THSD7B: variants seen among roughly 807,000 people sequenced by gnomAD.
The protein encoded by THSD7B is thrombospondin type 1 domain containing 7B, also known as thrombospondin type-1 domain-containing protein 7B.
A neutral mutation model predicts 213.6 loss-of-function variants in THSD7B; 138 were observed. The ratio of observed to expected loss-of-function variants is 0.65; its 90% CI spans 0.56 to 0.74. THSD7B has a LOEUF of 0.74. Among genes scored for constraint, THSD7B ranks in the 30% least tolerant of loss-of-function variants. THSD7B has a pLI of 0.00. For missense variants in THSD7B, 1,931 were observed against 1,991.5 expected, an observed-to-expected ratio of 0.97 and a Z score of 0.58; for synonymous variants, 742 against 687.0, an observed-to-expected ratio of 1.08 and a Z score of -1.25.
rs373924640 is a variant in THSD7B, at chr2:137,156,706, T to C, written c.1370-3507T>C. On this transcript the variant is annotated intron_variant, in intron 5 of 27. Transcript: ENST00000409968. The stretch of plus-strand genomic sequence containing the variant: ...CCTTGACAAACGCAGCTTCAGAACG[T>C]ATTTCCCAGGCTTTTTACAGCTGCA... Among the ~76,000 whole-genome samples, 194 of 152,328 alleles carry C rather than the reference T, an allele frequency of 1.3e-3. 8 individuals carry two copies. In the South Asian group the frequency reaches 0.04, roughly 31 times the overall value.
At chr2:137,135,412 A>C (rs1028615891) in intron 5 of THSD7B, among the ~76,000 whole-genome samples, 18 of 152,154 alleles carry the variant, frequency 1.2e-4, no homozygotes, top group African/African-American at 4.1e-4. Flanking sequence ...ACATGTACTC[A>C]TTGGAGAGCT....
At chr2:137,209,662 A>G (rs796411763) in intron 7 of THSD7B, among the ~76,000 whole-genome samples, 3 of 152,248 alleles carry the variant, frequency 2.0e-5, no homozygotes, top group African/African-American at 4.8e-5. Flanking sequence ...AATAGTCACT[A>G]TAACAATTTA....
chr2:137,136,398 C>T (rs1159130368), intron 5 of THSD7B, among the ~76,000 whole-genome samples: 1 of 152,090 alleles, frequency 6.6e-6, no homozygotes, highest in Non-Finnish European at 1.5e-5. Flanking sequence ...GAAGGTGTTC[C>T]AGAGAACAAC....
intron 1 of THSD7B, among the ~76,000 whole-genome samples, chr2:136,807,126 G>C (rs1682296382): frequency 6.6e-6 from 1 of 152,124 alleles, no homozygotes; most frequent in South Asian, 2.1e-4. Context: ...TCATTGCACA[G>C]TTACTTTTTT....
chr2:137,400,361 C>T (rs1041321501), intron 12 of THSD7B, among the ~76,000 whole-genome samples: 4 of 151,860 alleles, frequency 2.6e-5, no homozygotes, highest in Non-Finnish European at 5.9e-5. Flanking sequence ...GCAACAGTAG[C>T]TTCTTATTTG....
chr2:136,826,593 G>A (rs1205271631), intron 1 of THSD7B, among the ~76,000 whole-genome samples: 2 of 152,180 alleles, frequency 1.3e-5, no homozygotes, highest in Admixed American at 6.5e-5. Flanking sequence ...TCCTCTGGAA[G>A]GCATGGGGAG....
chr2:137,239,264 A>G, intron 9 of THSD7B, among the ~76,000 whole-genome samples: 1 of 152,206 alleles, frequency 6.6e-6, no homozygotes. Context: ...TACCAAAGCC[A>G]GAAAATGTAT....
At chr2:137,182,746 C>T (rs1445036485) in intron 7 of THSD7B, among the ~76,000 whole-genome samples, 1 of 152,124 alleles carries the variant, frequency 6.6e-6, no homozygotes, top group Non-Finnish European at 1.5e-5. Flanking sequence ...TTACGTCCTT[C>T]CTTTCTTTCA....
intron 27 of THSD7B, among the ~76,000 whole-genome samples, chr2:137,669,255 G>A (rs1325177043): frequency 6.6e-6 from 1 of 152,100 alleles, no homozygotes; most frequent in Non-Finnish European, 1.5e-5. Flanking sequence ...AGGCTACACA[G>A]GTTTTTAAAT....
At chr2:136,931,403 T>A (rs1558857013) in intron 2 of THSD7B, among the ~76,000 whole-genome samples, 1 of 152,212 alleles carries the variant, frequency 6.6e-6, no homozygotes, top group Non-Finnish European at 1.5e-5. Context: ...AAGTTTAAGT[T>A]TGTTTGGTTC....
chr2:137,323,453 A>G (rs905407565), intron 12 of THSD7B, among the ~76,000 whole-genome samples: 1 of 152,178 alleles, frequency 6.6e-6, no homozygotes, highest in African/African-American at 2.4e-5. Flanking sequence ...TCCTTCTACT[A>G]TTCATTGAGA....
intron 15 of THSD7B, among the ~76,000 whole-genome samples, chr2:137,505,499 A>G (rs1205978286): frequency 6.6e-6 from 1 of 152,208 alleles, no homozygotes; most frequent in Non-Finnish European, 1.5e-5. Flanking sequence ...CCAGTTCCGC[A>G]GAGCTTTTGT....
At chr2:137,516,080 C>T (rs1680062124) in intron 15 of THSD7B, among the ~76,000 whole-genome samples, 1 of 152,210 alleles carries the variant, frequency 6.6e-6, no homozygotes, top group South Asian at 2.1e-4. Context: ...CAAGTGGCAG[C>T]ACTCAACCAA....
At chr2:137,205,377 C>A (rs888365270) in intron 7 of THSD7B, among the ~76,000 whole-genome samples, 1 of 151,972 alleles carries the variant, frequency 6.6e-6, no homozygotes, top group Non-Finnish European at 1.5e-5. Flanking sequence ...TTCTTCCAGT[C>A]AACATAATTA....
chr2:137,158,300 G>A (rs138335909), intron 5 of THSD7B, among the ~76,000 whole-genome samples: 8 of 152,176 alleles, frequency 5.3e-5, no homozygotes, highest in South Asian at 4.2e-4. Flanking sequence ...CCCCAGTTCC[G>A]GTCACTCCAG....
At chr2:137,105,414 T>G (rs958138121) in intron 4 of THSD7B, among the ~76,000 whole-genome samples, 3 of 152,052 alleles carry the variant, frequency 2.0e-5, no homozygotes, top group Admixed American at 6.6e-5. Flanking sequence ...CTCAAAATAA[T>G]AAGAGCTATT....
At chr2:136,909,481 T>C (rs1228244424) in intron 2 of THSD7B, among the ~76,000 whole-genome samples, 1 of 152,210 alleles carries the variant, frequency 6.6e-6, no homozygotes, top group Non-Finnish European at 1.5e-5. Context: ...CTTTGTGCAA[T>C]AGTTTCTTCC....
chr2:137,543,678 A>G (rs1680648351), intron 15 of THSD7B, among the ~76,000 whole-genome samples: 1 of 151,858 alleles, frequency 6.6e-6, no homozygotes, highest in Non-Finnish European at 1.5e-5. Flanking sequence ...TGTGAAGGCA[A>G]TCCACAGAAT....
intron 2 of THSD7B, 126 bp from the exon 3 acceptor site, chr2:137,056,294 C>T (rs931795745): frequency 2.3e-5 from 21 of 915,126 alleles, no homozygotes; most frequent in Non-Finnish European, 3.4e-5. Context: ...TATGTTGTCT[C>T]TGTTCCACCA....
Sources: gnomAD v4.1 joint callset for allele counts (sites outside exome capture counted in the v4.1 genomes callset) on GRCh38, gnomAD v4.1.1 for gene constraint, MANE v1.5 for transcripts, NCBI Gene and HGNC (gene_info 2026-07-23, HGNC 2026-07-21) for gene names.